The following RAPGEF2 variants were observed in gnomAD, a reference collection of about 807,000 sequenced individuals.
RAPGEF2 encodes Rap guanine nucleotide exchange factor 2.
Under a neutral mutation model 186.7 loss-of-function variants are expected in RAPGEF2, and 54 were observed. The observed-to-expected ratio is 0.29, with a 90% confidence interval of 0.23 to 0.36. The LOEUF is 0.36. Ranked by LOEUF, RAPGEF2 falls within the 10% of genes least tolerant of loss-of-function variation. RAPGEF2 has a pLI of 1.00. For missense variants in RAPGEF2, 1,532 were observed against 2,045.0 expected, an observed-to-expected ratio of 0.75 and a Z score of 4.84; for synonymous variants, 712 against 705.9, an observed-to-expected ratio of 1.01 and a Z score of -0.14.
rs564371219 is a variant in RAPGEF2, at chr4:159,104,641, G to A, written c.69+410G>A. Among the ~76,000 whole-genome samples, 19 of 152,076 alleles carry A rather than the reference G, an allele frequency of 1.2e-4. 1 individual carries two copies. In the South Asian group the frequency reaches 3.9e-3, roughly 32 times the overall value. On this transcript the variant is annotated intron_variant, in intron 1 of 29. Transcript: ENST00000691494. The stretch of plus-strand genomic sequence containing the variant: ...CGCCCTCCGTGGCCTCTGAATCTCA[G>A]GGGATGGAGTCTCATCTCCCCTCGG...
chr4:159,321,407 C>G (rs1456351878), intron 9 of RAPGEF2, among the ~76,000 whole-genome samples: 1 of 151,934 alleles, frequency 6.6e-6, no homozygotes, highest in Non-Finnish European at 1.5e-5. Context: ...AGGGTCTTGC[C>G]ACATTGCTCA....
chr4:159,130,722 A>AT (rs1353449679), intron 1 of RAPGEF2, among the ~76,000 whole-genome samples: 7 of 152,164 alleles, frequency 4.6e-5, no homozygotes, highest in African/African-American at 7.2e-5. Flanking sequence ...ATTTTATTTT[A>AT]TTTTTTGGGA....
chr4:159,139,660 A>T (rs1742101401), intron 1 of RAPGEF2, among the ~76,000 whole-genome samples: 1 of 151,952 alleles, frequency 6.6e-6, no homozygotes, highest in South Asian at 2.1e-4. Flanking sequence ...TATTACGGGG[A>T]TATTAAGCTC....
At chr4:159,355,824 T>C (rs1472740709) in intron 28 of RAPGEF2, 29 bp from the exon 29 acceptor site, 1 of 1,515,186 alleles carries the variant, frequency 6.6e-7, no homozygotes, top group Non-Finnish European at 8.9e-7. Context: ...GAACTAGTTT[T>C]TAATGCTGGT....
intron 7 of RAPGEF2, among the ~76,000 whole-genome samples, chr4:159,297,075 T>C (rs763129798): frequency 3.3e-5 from 5 of 152,200 alleles, no homozygotes; most frequent in Admixed American, 1.3e-4. Context: ...TAGGGTACCA[T>C]ATTTCAGTAG....
At chr4:159,311,820 T>C (rs908394020) in intron 8 of RAPGEF2, among the ~76,000 whole-genome samples, 6 of 152,210 alleles carry the variant, frequency 3.9e-5, no homozygotes, top group African/African-American at 1.2e-4. Flanking sequence ...AGTAGGTCCC[T>C]GAAAAGTTGT....
chr4:159,315,480 G>C (rs942736747), intron 9 of RAPGEF2, among the ~76,000 whole-genome samples: 2 of 152,102 alleles, frequency 1.3e-5, no homozygotes, highest in African/African-American at 4.8e-5. Context: ...AGAGACGAGA[G>C]AGTGTAGAAA....
At chr4:159,273,582 G>C (rs775070646) in intron 7 of RAPGEF2, among the ~76,000 whole-genome samples, 1 of 152,028 alleles carries the variant, frequency 6.6e-6, no homozygotes, top group African/African-American at 2.4e-5. Flanking sequence ...TAGGAATTCA[G>C]TTATTCTCCT....
intron 6 of RAPGEF2, among the ~76,000 whole-genome samples, chr4:159,242,217 T>G (rs1754102692): frequency 1.3e-5 from 2 of 151,854 alleles, no homozygotes; most frequent in Admixed American, 6.6e-5. Flanking sequence ...CATAATAATG[T>G]GAAAGATCAT....
Position 159,352,927 on chromosome 4 carries a change from A to T in RAPGEF2, c.4091+17A>T. 1 of 1,579,792 alleles carries T rather than the reference A, an allele frequency of 6.3e-7. No individual in the cohort carries two copies. Among genetic ancestry groups the T allele is most frequent in the South Asian group, 1.1e-5 (1 of 88,838 alleles). ...TAGCTTGGGGTAGGTGGCTCTTTTT[A>T]ATATTCTTCTGAATTTATCCTTCCA... is the stretch of plus-strand genomic sequence containing the variant. On this transcript the variant is annotated intron_variant, in intron 27 of 29. Coordinates refer to ENST00000691494, the MANE Select transcript of RAPGEF2 (RefSeq NM_001394067.2).
intron 1 of RAPGEF2, among the ~76,000 whole-genome samples, chr4:159,115,943 G>A (rs1443381400): frequency 6.6e-6 from 1 of 151,982 alleles, no homozygotes; most frequent in Non-Finnish European, 1.5e-5. Context: ...AACTCAAGAT[G>A]GATTAAAGAC....
intron 1 of RAPGEF2, among the ~76,000 whole-genome samples, chr4:159,157,832 A>G (rs1312698369): frequency 6.6e-6 from 1 of 152,180 alleles, no homozygotes; most frequent in Non-Finnish European, 1.5e-5. Flanking sequence ...TCCTTCTTTT[A>G]GGACAGTTCT....
In RAPGEF2 at chr4:159,346,898, G is replaced by A. The variant is rs1397230758; in HGVS notation, c.3612G>A (p.Gln1204=). The A allele has an allele frequency of 6.2e-7, 1 of 1,614,168 alleles. No homozygotes were observed. Among genetic ancestry groups the A allele is most frequent in the Admixed American group, 1.7e-5 (1 of 60,012 alleles). Residue 1204 remains glutamine (Q), a synonymous_variant, in exon 25 of 30, where the codon CAG becomes CAA. Coordinates refer to ENST00000691494, the MANE Select transcript of RAPGEF2 (RefSeq NM_001394067.2). ...KAQSLPQPQQ[Q]PPPAHKINQG... ...AGTCCCTGCCACAGCCCCAGCAGCA[G>A]CCACCACCAGCACATAAAATCAACC... is the stretch of plus-strand genomic sequence containing the variant.
intron 7 of RAPGEF2, among the ~76,000 whole-genome samples, chr4:159,261,369 G>T (rs909202229): frequency 6.6e-6 from 1 of 152,200 alleles, no homozygotes; most frequent in East Asian, 1.9e-4. Context: ...GCTGAAAAAG[G>T]TTAATTATTA....
chr4:159,350,343 A>G lies in RAPGEF2; in HGVS notation c.3865+54A>G, dbSNP rs546718998. The G allele has an allele frequency of 8.6e-5, 119 of 1,390,130 alleles. 1 individual carries two copies. The Middle Eastern group carries it at 1.6e-3, about 19-fold the overall frequency. 86.1% of individuals were successfully genotyped at this position (1,390,130 alleles called of 1,614,324 possible). On this transcript the variant is annotated intron_variant, in intron 26 of 29. Coordinates refer to ENST00000691494, the MANE Select transcript of RAPGEF2 (RefSeq NM_001394067.2). ...GTATTGAAACCTATACATTTTGGCT[A>G]TAATAAATTCCAGAGTAATGTATTA...
At position 159,339,107 on chromosome 4, in the gene RAPGEF2, C is replaced by T. The variant is rs757602258; in HGVS notation, c.2294-7C>T. 1.8e-5 allele frequency: 29 copies of T among 1,609,146 alleles called. No individual in the cohort carries two copies. The South Asian group carries it at 2.1e-4, about 12-fold the overall frequency. On this transcript the variant is annotated splice_region_variant and splice_polypyrimidine_tract_variant and intron_variant, in intron 18 of 29. Transcript: ENST00000691494. ...CTACTTATGTGTGTGATTTTTCTTT[C>T]CCCCAGACTTGCCAGATCAAGTGCT...
intron 1 of RAPGEF2, 82 bp from the exon 2 acceptor site, chr4:159,186,560 G>T: frequency 1.7e-6 from 1 of 604,270 alleles, no homozygotes; most frequent in South Asian, 2.8e-5. Context: ...AGTTTAATTT[G>T]GTTTGTAGAT....
At chr4:159,284,902 A>G (rs953693763) in intron 7 of RAPGEF2, among the ~76,000 whole-genome samples, 1 of 152,002 alleles carries the variant, frequency 6.6e-6, no homozygotes, top group Non-Finnish European at 1.5e-5. Context: ...AAAACTGAAA[A>G]ATTAGCGGGG....
rs1753621033 is a variant in RAPGEF2, at chr4:159,238,935, TA to T, written c.357+54del. 6 of 1,264,352 alleles carry T rather than the reference TA, an allele frequency of 4.7e-6. No homozygotes were observed. In the South Asian group the frequency reaches 7.2e-5, roughly 15 times the overall value. The allele number at this position is 1,264,352 out of a possible 1,614,324, so 78.3% of individuals were successfully genotyped here. A position where few individuals can be genotyped will look rare whatever the true frequency, so the allele number is the denominator to read the frequency against. On this transcript the variant is annotated intron_variant, in intron 5 of 29. Coordinates refer to ENST00000691494, the MANE Select transcript of RAPGEF2 (RefSeq NM_001394067.2). ...TTTTCCCCTAAAAAATTGTATGAAA[TA>T]AAGGCATTTTTATAAACTGCTTATA... is the stretch of plus-strand genomic sequence containing the variant.
Sources: gnomAD v4.1 joint callset for allele counts (sites outside exome capture counted in the v4.1 genomes callset) on GRCh38, gnomAD v4.1.1 for gene constraint, MANE v1.5 for transcripts, NCBI Gene and HGNC (gene_info 2026-07-23, HGNC 2026-07-21) for gene names.